GCKR: variants seen among roughly 807,000 people sequenced by gnomAD.
GCKR encodes glucokinase regulatory protein.
Under a neutral mutation model 82.9 loss-of-function variants are expected in GCKR, and 73 were observed. The ratio of observed to expected loss-of-function variants is 0.88; its 90% CI spans 0.73 to 1.07. The LOEUF (loss-of-function observed/expected upper bound fraction) is 1.07, where lower values mean the gene tolerates loss of function less well. Among genes scored for constraint, GCKR ranks in the 50% least tolerant of loss-of-function variants. The pLI, the probability that GCKR is intolerant of heterozygous loss-of-function variation, is 0.00. For missense variants in GCKR, 784 were observed against 782.1 expected (o/e 1.00, Z -0.03); for synonymous variants, 294 against 291.8 (o/e 1.01, Z -0.08).
Position 27,523,208 on chromosome 2 carries a change from G to C in GCKR, c.1708-61G>C, listed in dbSNP as rs183019519. On this transcript the variant is annotated intron_variant, in intron 18 of 18. Coordinates refer to ENST00000264717, the MANE Select transcript of GCKR (RefSeq NM_001486.4). ...GCCACTGCGCCCGACCTTCCTCCGG[G>C]GTTCTTTCTCTGATGACCTCATTCC... is the stretch of plus-strand genomic sequence containing the variant. 2,370 of 1,453,298 alleles carry C rather than the reference G, an allele frequency of 1.6e-3. 10 individuals are homozygous for C. Among genetic ancestry groups the C allele is most frequent in the Non-Finnish European group, 1.7e-3 (1,789 of 1,040,434 alleles). 90.0% of individuals were successfully genotyped at this position (1,453,298 alleles called of 1,614,324 possible). A position where few individuals can be genotyped will look rare whatever the true frequency, so the allele number is the denominator to read the frequency against.
intron 13 of GCKR, 88 bp from the exon 14 acceptor site, chr2:27,507,593 A>C: frequency 3.8e-6 from 3 of 795,272 alleles, no homozygotes; most frequent in Non-Finnish European, 6.8e-6. Flanking sequence ...CAAAAGTGTT[A>C]GATCTCCTCC....
Position 27,518,724 on chromosome 2 carries a change from C to G in GCKR, c.1423-64C>G, listed in dbSNP as rs533370651. 12 of 1,310,624 alleles carry G rather than the reference C, an allele frequency of 9.2e-6. No individual in the cohort carries two copies. In the South Asian group the frequency reaches 9.4e-5, roughly 10 times the overall value. The allele number at this position is 1,310,624 out of a possible 1,614,324, so 81.2% of individuals were successfully genotyped here. On this transcript the variant is annotated intron_variant, in intron 16 of 18. Transcript: ENST00000264717. Reference sequence around the variant, plus strand: ...TGGTTTCCTGTCTGATAACAGGGCCCTGTTCACTCTGCTGCTTTTCTGTCC... The same window carrying G: ...TGGTTTCCTGTCTGATAACAGGGCCGTGTTCACTCTGCTGCTTTTCTGTCC...
chr2:27,497,149 C>A, intron 1 of GCKR, 95 bp from the exon 2 acceptor site: 1 of 1,472,680 alleles, frequency 6.8e-7, no homozygotes, highest in Non-Finnish European at 9.5e-7. Flanking sequence ...TGTGTAAGTC[C>A]AAACTCTGTG....
intron 7 of GCKR, among the ~76,000 whole-genome samples, chr2:27,500,197 T>C (rs1245556043): frequency 1.3e-5 from 2 of 152,186 alleles, no homozygotes; most frequent in Non-Finnish European, 2.9e-5. Flanking sequence ...TTCAAGCGAT[T>C]CTCCTGCCTC....
At position 27,523,380 on chromosome 2, in the gene GCKR, G is replaced by A; in HGVS notation, c.1819G>A (p.Gly607Arg). 1 of 1,612,216 alleles carries A rather than the reference G, an allele frequency of 6.2e-7. No homozygotes were observed. Among genetic ancestry groups the A allele is most frequent in the Non-Finnish European group, 8.5e-7 (1 of 1,179,988 alleles). ...VCEAVRSALAGPGQKRTADPL... is the reference protein window; with the variant it reads ...VCEAVRSALARPGQKRTADPL... ...TGAGGCTGTCAGGAGTGCTCTTGCT[G>A]GGCCAGGTCAGAAGCGCACTGCGGA... Residue 607 changes from glycine (G) to arginine (R), a missense_variant, in exon 19 of 19, where the codon GGG becomes AGG. Coordinates refer to ENST00000264717, the MANE Select transcript of GCKR (RefSeq NM_001486.4).
intron 16 of GCKR, among the ~76,000 whole-genome samples, chr2:27,518,148 T>G (rs1412697837): frequency 6.6e-6 from 1 of 152,162 alleles, no homozygotes; most frequent in Non-Finnish European, 1.5e-5. Flanking sequence ...CGGGTTCAAG[T>G]GATTCTTGTG....
In GCKR at chr2:27,523,430, C is replaced by T. The variant is rs150021615; in HGVS notation, c.1869C>T (p.Asp623=). Residue 623 remains aspartate, a synonymous_variant, in exon 19 of 19, where the codon GAC becomes GAT. Coordinates refer to ENST00000264717, the MANE Select transcript of GCKR (RefSeq NM_001486.4). ...TADPLEILEP[D]VQ ...ACCCCCTCGAGATCCTAGAGCCTGA[C>T]GTTCAGTGAACCCATGTTTCTGGGT... 11 of 1,606,552 alleles carry T rather than the reference C, an allele frequency of 6.8e-6. No individual in the cohort carries two copies. Among genetic ancestry groups the T allele is most frequent in the East Asian group, 2.2e-5 (1 of 44,872 alleles).
chr2:27,514,818 A>G (rs1669966733), intron 16 of GCKR, among the ~76,000 whole-genome samples: 1 of 152,130 alleles, frequency 6.6e-6, no homozygotes, highest in Non-Finnish European at 1.5e-5. Context: ...TTCCTTCCAT[A>G]GGGTTTACTA....
intron 10 of GCKR, 71 bp downstream of exon 10, chr2:27,505,907 G>A (rs1365413839): frequency 4.5e-6 from 4 of 898,142 alleles, no homozygotes; most frequent in Admixed American, 1.7e-5. Flanking sequence ...GAGATTGGCA[G>A]GTCTAGATCC....
intron 17 of GCKR, 41 bp from the exon 18 acceptor site, chr2:27,522,419 T>C: frequency 6.2e-7 from 1 of 1,610,822 alleles, no homozygotes; most frequent in Non-Finnish European, 8.5e-7. Flanking sequence ...TTAGTTCCTC[T>C]GGCCTTTAGC....
intron 9 of GCKR, among the ~76,000 whole-genome samples, chr2:27,505,240 C>T (rs1026604051): frequency 3.9e-5 from 5 of 129,428 alleles, no homozygotes; most frequent in African/African-American, 1.5e-4. Flanking sequence ...ACTAAAGATA[C>T]AAAAAATTAG....
rs764124898 is a variant in GCKR, at chr2:27,506,894, C to T, written c.1066+9C>T. On this transcript the variant is annotated intron_variant, in intron 12 of 18. Coordinates refer to ENST00000264717, the MANE Select transcript of GCKR (RefSeq NM_001486.4). The stretch of plus-strand genomic sequence containing the variant: ...CCACACCTTTGGTGCTGGTGGGACC[C>T]CAGTCCAGATGTTCTTCCTGCTTCC... 2 of 1,550,776 alleles carry T rather than the reference C, an allele frequency of 1.3e-6. No homozygotes were observed. Among genetic ancestry groups the T allele is most frequent in the Non-Finnish European group, 1.8e-6 (2 of 1,122,232 alleles).
At chr2:27,499,983 C>A (rs1669536159) in intron 7 of GCKR, among the ~76,000 whole-genome samples, 1 of 152,088 alleles carries the variant, frequency 6.6e-6, no homozygotes. Flanking sequence ...GTCTCGAACT[C>A]CTGACATCAG....
intron 9 of GCKR, 79 bp from the exon 10 acceptor site, chr2:27,505,639 A>G (rs926083888): frequency 2.5e-6 from 2 of 793,164 alleles, no homozygotes; most frequent in Non-Finnish European, 4.6e-6. Context: ...TATCACATGC[A>G]TGCCCGGGGG....
At chr2:27,499,882 C>G (rs372659581) in intron 7 of GCKR, among the ~76,000 whole-genome samples, 7 of 151,776 alleles carry the variant, frequency 4.6e-5, no homozygotes, top group Admixed American at 1.3e-4. Flanking sequence ...CTCAGCCTCC[C>G]GAAAAGCTGG....
In GCKR at chr2:27,501,257, C is replaced by G. The variant is rs201611045; in HGVS notation, c.644+28C>G. 5.2e-5 allele frequency: 75 copies of G among 1,454,106 alleles called. No individual in the cohort carries two copies. In the African/African-American group the frequency reaches 9.7e-4, roughly 19 times the overall value. 90.1% of individuals were successfully genotyped at this position (1,454,106 alleles called of 1,614,324 possible). On this transcript the variant is annotated intron_variant, in intron 8 of 18. Coordinates refer to ENST00000264717, the MANE Select transcript of GCKR (RefSeq NM_001486.4). Reference sequence around the variant, plus strand: ...GAGCCTTCTGGAATGACTGGGCAGCCCTGGGGCAGGCTGGAGGGGAACATG... The same window carrying G: ...GAGCCTTCTGGAATGACTGGGCAGCGCTGGGGCAGGCTGGAGGGGAACATG...
At chr2:27,507,166 C>A in intron 12 of GCKR, 69 bp from the exon 13 acceptor site, 2 of 1,102,560 alleles carry the variant, frequency 1.8e-6, no homozygotes, top group Non-Finnish European at 2.8e-6. Flanking sequence ...ATTTTCTCCC[C>A]CTGAAGCCTA....
intron 18 of GCKR, among the ~76,000 whole-genome samples, 174 bp from the exon 19 acceptor site, chr2:27,523,095 C>T (rs1363945005): frequency 6.6e-6 from 1 of 152,112 alleles, no homozygotes; most frequent in Non-Finnish European, 1.5e-5. Flanking sequence ...GATGGGGTTT[C>T]GCCATATTGG....
chr2:27,513,527 C>CAA (rs35348937), intron 16 of GCKR, among the ~76,000 whole-genome samples: 221 of 133,408 alleles, frequency 1.7e-3, no homozygotes, highest in East Asian at 5.1e-3. Flanking sequence ...GACTCCGTCA[C>CAA]AAAAAAAAAA....
Sources: gnomAD v4.1 joint callset for allele counts (sites outside exome capture counted in the v4.1 genomes callset) on GRCh38, gnomAD v4.1.1 for gene constraint, MANE v1.5 for transcripts, NCBI Gene and HGNC (gene_info 2026-07-23, HGNC 2026-07-21) for gene names.